Variants in NKAIN2 observed in about 807,000 individuals in gnomAD.
The protein encoded by NKAIN2 is sodium/potassium-transporting ATPase subunit beta-1-interacting protein 2.
NKAIN2 carries 14 observed loss-of-function variants against 32.6 expected under a neutral mutation model. The ratio of observed to expected loss-of-function variants is 0.43; its 90% CI spans 0.28 to 0.67. NKAIN2 has a LOEUF of 0.67. Ranked by LOEUF, NKAIN2 falls within the 30% of genes least tolerant of loss-of-function variation. NKAIN2 has a pLI of 0.17. For synonymous variants in NKAIN2, 80 were observed against 87.2 expected (o/e 0.92, Z 0.46); for missense variants, 198 against 258.3 (o/e 0.77, Z 1.60).
At chr6:124,409,899 A>C (rs908475481) in intron 3 of NKAIN2, among the ~76,000 whole-genome samples, 3 of 152,144 alleles carry the variant, frequency 2.0e-5, no homozygotes, top group Admixed American at 2.0e-4. Flanking sequence ...CAGAGATTCA[A>C]CTGCTTCCTA....
chr6:123,841,360 G>A lies in NKAIN2; in HGVS notation c.54+37106G>A, dbSNP rs547516390. On this transcript the variant is annotated intron_variant, in intron 1 of 6. Transcript: ENST00000368417. Reference sequence around the variant, plus strand: ...AACATCTATAATCAGTGTTACAATCGTGAGATGTCAGAGTATAGTATATGT... The same window carrying A: ...AACATCTATAATCAGTGTTACAATCATGAGATGTCAGAGTATAGTATATGT... 6.6e-5 allele frequency among the ~76,000 whole-genome samples: 10 copies of A among 152,242 alleles called. No homozygotes were observed. The South Asian group carries it at 1.5e-3, about 22-fold the overall frequency.
chr6:124,044,966 C>T (rs183754000), intron 1 of NKAIN2, among the ~76,000 whole-genome samples: 47 of 152,004 alleles, frequency 3.1e-4, no homozygotes, highest in African/African-American at 1.1e-3. Context: ...GTTTGACTCC[C>T]ACAGGCACCC....
chr6:124,090,039 TATTA>T (rs1409032161), intron 1 of NKAIN2, among the ~76,000 whole-genome samples: 4 of 151,974 alleles, frequency 2.6e-5, no homozygotes, highest in Non-Finnish European at 5.9e-5. Flanking sequence ...CAAACCTTAA[TATTA>T]ATTTTCTTAA....
At chr6:123,862,526 A>C (rs1775823286) in intron 1 of NKAIN2, among the ~76,000 whole-genome samples, 1 of 152,116 alleles carries the variant, frequency 6.6e-6, no homozygotes, top group African/African-American at 2.4e-5. Context: ...CCTTTTGCTG[A>C]TTGAACTCAA....
chr6:124,722,282 T>A (rs1776060775), intron 4 of NKAIN2, among the ~76,000 whole-genome samples: 1 of 152,202 alleles, frequency 6.6e-6, no homozygotes, highest in South Asian at 2.1e-4. Context: ...TGAACATGGG[T>A]TCAAAAATAT....
At chr6:124,305,397 G>A (rs1431992415) in intron 2 of NKAIN2, among the ~76,000 whole-genome samples, 1 of 152,118 alleles carries the variant, frequency 6.6e-6, no homozygotes, top group East Asian at 1.9e-4. Context: ...TGGTATCTTT[G>A]GCAGGACTTC....
intron 4 of NKAIN2, among the ~76,000 whole-genome samples, chr6:124,749,579 T>C (rs1777615762): frequency 1.3e-5 from 2 of 151,968 alleles, no homozygotes; most frequent in Admixed American, 1.3e-4. Context: ...GATTTTATGG[T>C]GGAGTCACAC....
At chr6:124,034,764 A>C (rs1781538760) in intron 1 of NKAIN2, among the ~76,000 whole-genome samples, 1 of 151,988 alleles carries the variant, frequency 6.6e-6, no homozygotes, top group Non-Finnish European at 1.5e-5. Flanking sequence ...CATTTTTTTC[A>C]CATCCTCACC....
At chr6:124,362,938 G>A (rs1165004668) in intron 3 of NKAIN2, among the ~76,000 whole-genome samples, 4 of 152,016 alleles carry the variant, frequency 2.6e-5, no homozygotes, top group Non-Finnish European at 4.4e-5. Context: ...AGGTTCAAGT[G>A]ATTCTCCTGC....
At chr6:123,862,834 G>A (rs188456378) in intron 1 of NKAIN2, among the ~76,000 whole-genome samples, 4 of 152,056 alleles carry the variant, frequency 2.6e-5, no homozygotes, top group East Asian at 1.9e-4. Context: ...CTTTTTCTAC[G>A]TATATGACTG....
chr6:124,541,109 AT>A (rs1779894301), intron 3 of NKAIN2, among the ~76,000 whole-genome samples: 1 of 151,886 alleles, frequency 6.6e-6, no homozygotes, highest in South Asian at 2.1e-4. Flanking sequence ...AGTTATTTCC[AT>A]TTTTACATAC....
intron 3 of NKAIN2, among the ~76,000 whole-genome samples, chr6:124,592,046 T>C (rs1781931590): frequency 6.6e-6 from 1 of 152,184 alleles, no homozygotes; most frequent in Non-Finnish European, 1.5e-5. Flanking sequence ...TCATACACTT[T>C]CTATACCAAC....
In NKAIN2 at chr6:124,804,465, G is replaced by A. The variant is rs186169545; in HGVS notation, c.535+13066G>A. ...GCTTTTCACTTTCATTGTTTAGCAC[G>A]TGTGAATGTGTTACCAAGCTTAAAA... On this transcript the variant is annotated intron_variant, in intron 5 of 6. Coordinates refer to ENST00000368417, the MANE Select transcript of NKAIN2 (RefSeq NM_001040214.3). 1.2e-4 allele frequency: 114 copies of A among 951,942 alleles called. No homozygotes were observed. In the East Asian group the frequency reaches 1.6e-3, roughly 13 times the overall value. The allele number at this position is 951,942 out of a possible 1,614,324, so 59.0% of individuals were successfully genotyped here. A position where few individuals can be genotyped will look rare whatever the true frequency, so the allele number is the denominator to read the frequency against.
intron 3 of NKAIN2, among the ~76,000 whole-genome samples, chr6:124,588,722 C>G (rs1781800726): frequency 6.6e-6 from 1 of 152,144 alleles, no homozygotes; most frequent in Non-Finnish European, 1.5e-5. Context: ...GCTCTTGATT[C>G]TATTACATGC....
chr6:124,318,504 A>G (rs1399981763), intron 2 of NKAIN2, among the ~76,000 whole-genome samples: 1 of 151,924 alleles, frequency 6.6e-6, no homozygotes, highest in Non-Finnish European at 1.5e-5. Flanking sequence ...TTTGGGTGTT[A>G]ATTGCCCTGG....
rs1312891183 is a variant in NKAIN2, at chr6:124,094,968, G to A, written c.55-188037G>A. Among the ~76,000 whole-genome samples the A allele has an allele frequency of 4.6e-5, 7 of 152,124 alleles. No individual in the cohort carries two copies. The East Asian group carries it at 7.7e-4, about 17-fold the overall frequency. ...CTCCACTTACAATCCATGTAACTAC[G>A]AACAGAGTACTTAACTTTTTTAAAT... On this transcript the variant is annotated intron_variant, in intron 1 of 6. Coordinates refer to ENST00000368417, the MANE Select transcript of NKAIN2 (RefSeq NM_001040214.3).
At chr6:124,736,388 G>T (rs1221434615) in intron 4 of NKAIN2, among the ~76,000 whole-genome samples, 1 of 151,940 alleles carries the variant, frequency 6.6e-6, no homozygotes, top group East Asian at 1.9e-4. Context: ...AGAAGATCTA[G>T]CTAAGATCAT....
chr6:124,281,218 T>C (rs551353459), intron 1 of NKAIN2, among the ~76,000 whole-genome samples: 18 of 152,198 alleles, frequency 1.2e-4, no homozygotes, highest in Non-Finnish European at 2.6e-4. Context: ...TTGGTTTACA[T>C]TCCTATTCAC....
chr6:124,668,455 G>A (rs562778787), intron 4 of NKAIN2, among the ~76,000 whole-genome samples: 4 of 151,690 alleles, frequency 2.6e-5, no homozygotes, highest in African/African-American at 7.3e-5. Context: ...TTCCTCTCAC[G>A]ACCTAGTGTC....
Sources: allele counts gnomAD v4.1 joint callset (sites outside exome capture counted in the v4.1 genomes callset), GRCh38; gene constraint gnomAD v4.1.1; transcripts MANE v1.5; gene names NCBI Gene and HGNC (gene_info 2026-07-23, HGNC 2026-07-21).